The following EPCAM variants were observed in gnomAD, a reference collection of about 807,000 sequenced individuals.
The protein encoded by EPCAM is epithelial cell adhesion molecule.
Under a neutral mutation model 40.0 loss-of-function variants are expected in EPCAM, and 39 were observed. That is an observed-to-expected ratio of 0.98 (90% CI 0.76 to 1.27). The LOEUF (loss-of-function observed/expected upper bound fraction) is 1.27, where lower values mean the gene tolerates loss of function less well. EPCAM is among the 50% of genes most tolerant of loss of function. The pLI is 0.00. For synonymous variants in EPCAM, 168 were observed against 132.3 expected, an observed-to-expected ratio of 1.27 and a Z score of -1.85; for missense variants, 503 against 381.2, an observed-to-expected ratio of 1.32 and a Z score of -2.66.
At chr2:47,383,844 C>T (rs867726223) in intron 7 of EPCAM, among the ~76,000 whole-genome samples, 1 of 151,472 alleles carries the variant, frequency 6.6e-6, no homozygotes, top group African/African-American at 2.4e-5. Flanking sequence ...ACCATGTTGG[C>T]CAGGCTGATC....
intron 1 of EPCAM, 97 bp downstream of exon 1, chr2:47,369,678 G>A (rs752645618): frequency 1.4e-5 from 18 of 1,242,822 alleles, no homozygotes; most frequent in Admixed American, 4.0e-5. Flanking sequence ...ATAGGGAGGG[G>A]ACCAAGAGGC....
At chr2:47,384,108 T>C (rs1026463277) in intron 7 of EPCAM, among the ~76,000 whole-genome samples, 7 of 152,026 alleles carry the variant, frequency 4.6e-5, no homozygotes, top group Non-Finnish European at 1.5e-5. Flanking sequence ...TATTTTATTT[T>C]ATTTATTTAT....
At chr2:47,375,547 C>G (rs1185717767) in intron 4 of EPCAM, among the ~76,000 whole-genome samples, 1 of 152,216 alleles carries the variant, frequency 6.6e-6, no homozygotes, top group South Asian at 2.1e-4. Context: ...TGCTTTACAT[C>G]AGTGTATCTA....
At chr2:47,386,547 T>C (rs1339385462) in intron 8 of EPCAM, 25 bp from the exon 9 acceptor site, 1 of 1,576,552 alleles carries the variant, frequency 6.3e-7, no homozygotes, top group South Asian at 1.2e-5. Context: ...TTTAGAATTT[T>C]TTTCTGTGCT....
chr2:47,373,493 T>C lies in EPCAM; in HGVS notation c.107T>C (p.Val36Ala). 1 of 1,613,536 alleles carries C rather than the reference T, an allele frequency of 6.2e-7. No homozygotes were observed. The highest frequency in any genetic ancestry group is 1.1e-5 in the South Asian group (1 of 91,040). Residue 36 changes from valine to alanine, a missense_variant, in exon 2 of 9, where the codon GTA becomes GCA. Physicochemically the swap from Val to Ala is moderately conservative, Grantham distance 64 (BLOSUM62 0). Transcript: ENST00000263735. ...ECVCENYKLA[V>A]NCFVNNNRQC... is the part of the protein sequence containing the mutation. ...GTCTGTGAAAACTACAAGCTGGCCG[T>C]AAACTGCTTTGTGAATAATAATCGT...
chr2:47,383,607 C>CTTCTTT (rs1671655817), intron 7 of EPCAM, among the ~76,000 whole-genome samples: 5 of 36,418 alleles, frequency 1.4e-4, no homozygotes, highest in Admixed American at 3.9e-4. Flanking sequence ...CCGGCTTCTT[C>CTTCTTT]TTTTTTTTTT....
intron 1 of EPCAM, among the ~76,000 whole-genome samples, chr2:47,370,433 C>T (rs1242752060): frequency 6.6e-6 from 1 of 151,718 alleles, no homozygotes; most frequent in Non-Finnish European, 1.5e-5. Flanking sequence ...CGCGCCACCA[C>T]CCCCCGCTAA....
At chr2:47,375,368 G>A in intron 4 of EPCAM, 69 bp downstream of exon 4, 1 of 992,054 alleles carries the variant, frequency 1.0e-6, no homozygotes, top group Non-Finnish European at 1.6e-6. Flanking sequence ...TACACCATTA[G>A]AAAAAGCAAG....
chr2:47,379,821 G>C lies in EPCAM; in HGVS notation c.710G>C (p.Gly237Ala), dbSNP rs2103758895. The C allele has an allele frequency of 6.2e-7, 1 of 1,613,960 alleles. No homozygotes were observed. Among genetic ancestry groups the C allele is most frequent in the Non-Finnish European group, 8.5e-7 (1 of 1,179,978 alleles). ...HSKKMDLTVN[G>A]EQLDLDPGQT... ...AAGAAAATGGACCTGACAGTAAATG[G>C]GGAACAACTGGATCTGGATCCTGGT... Residue 237 changes from glycine to alanine, a missense_variant, in exon 7 of 9, where the codon GGG becomes GCG. Coordinates refer to ENST00000263735, the MANE Select transcript of EPCAM (RefSeq NM_002354.3).
intron 4 of EPCAM, among the ~76,000 whole-genome samples, chr2:47,375,577 C>T (rs1671400050): frequency 6.6e-6 from 1 of 152,028 alleles, no homozygotes. Context: ...AAATATTTTT[C>T]CCAGAAGCAC....
chr2:47,372,011 A>T (rs1671283073), intron 1 of EPCAM, among the ~76,000 whole-genome samples: 1 of 152,208 alleles, frequency 6.6e-6, no homozygotes, highest in African/African-American at 2.4e-5. Flanking sequence ...AAAAGGAATT[A>T]GATAGTCTTG....
intron 7 of EPCAM, among the ~76,000 whole-genome samples, chr2:47,381,757 A>G (rs1191216795): frequency 6.6e-6 from 1 of 152,182 alleles, no homozygotes; most frequent in Non-Finnish European, 1.5e-5. Flanking sequence ...CATGAAAGAA[A>G]AGATACATAT....
intron 1 of EPCAM, among the ~76,000 whole-genome samples, chr2:47,372,706 A>G (rs1671306851): frequency 6.6e-6 from 1 of 151,784 alleles, no homozygotes; most frequent in Admixed American, 6.6e-5. Flanking sequence ...TGGGAGATGG[A>G]TGTTGCAGTG....
At chr2:47,371,125 G>A (rs1052072031) in intron 1 of EPCAM, among the ~76,000 whole-genome samples, 10 of 150,306 alleles carry the variant, frequency 6.7e-5, no homozygotes, top group Non-Finnish European at 1.0e-4. Flanking sequence ...GATTACAGGC[G>A]TGCATCACCA....
At chr2:47,383,917 G>A (rs923636515) in intron 7 of EPCAM, among the ~76,000 whole-genome samples, 16 of 151,744 alleles carry the variant, frequency 1.1e-4, no homozygotes, top group African/African-American at 3.6e-4. Flanking sequence ...GATTATAGGC[G>A]TGAACCACCA....
intron 7 of EPCAM, among the ~76,000 whole-genome samples, chr2:47,382,425 G>C (rs550358606): frequency 2.7e-4 from 41 of 152,296 alleles, no homozygotes; most frequent in African/African-American, 9.6e-4. Flanking sequence ...GGTGGCTTAC[G>C]CCTATAATCC....
At chr2:47,382,505 G>A (rs779787935) in intron 7 of EPCAM, among the ~76,000 whole-genome samples, 7 of 152,114 alleles carry the variant, frequency 4.6e-5, no homozygotes, top group East Asian at 1.9e-4. Context: ...TGACCAACAC[G>A]GAGAAACCCC....
chr2:47,376,667 C>G (rs569123964), intron 4 of EPCAM, among the ~76,000 whole-genome samples: 1 of 152,288 alleles, frequency 6.6e-6, no homozygotes, highest in East Asian at 1.9e-4. Flanking sequence ...TGCATGATGT[C>G]AGCTTGTCCC....
intron 8 of EPCAM, among the ~76,000 whole-genome samples, 181 bp downstream of exon 8, chr2:47,385,391 G>A (rs1240610853): frequency 6.6e-6 from 1 of 152,054 alleles, no homozygotes; most frequent in Non-Finnish European, 1.5e-5. Flanking sequence ...TGAGTTCCAT[G>A]GCAGATCACC....
Sources: gnomAD v4.1 joint callset for allele counts (sites outside exome capture counted in the v4.1 genomes callset) on GRCh38, gnomAD v4.1.1 for gene constraint, MANE v1.5 for transcripts, NCBI Gene and HGNC (gene_info 2026-07-23, HGNC 2026-07-21) for gene names.